The following NRXN3 variants were observed in gnomAD, a reference collection of about 807,000 sequenced individuals.
NRXN3 encodes neurexin 3, also known as neurexin III.
In NRXN3, 32 loss-of-function variants were observed where a neutral mutation model predicts 137.6. That is an observed-to-expected ratio of 0.23 (90% CI 0.18 to 0.31). The LOEUF (loss-of-function observed/expected upper bound fraction) is 0.31, where lower values mean the gene tolerates loss of function less well. Among genes scored for constraint, NRXN3 ranks in the 10% least tolerant of loss-of-function variants. The probability of loss-of-function intolerance (pLI) is 1.00; values close to 1 mark genes in which losing one functional copy is unlikely to be tolerated. For missense variants in NRXN3, 1,574 were observed against 2,062.5 expected, an observed-to-expected ratio of 0.76 and a Z score of 4.59; for synonymous variants, 798 against 784.5, an observed-to-expected ratio of 1.02 and a Z score of -0.29.
At chr14:79,140,573 C>CTG (rs3035591) in intron 15 of NRXN3, among the ~76,000 whole-genome samples, 5,405 of 143,818 alleles carry the variant, frequency 0.038, 179 homozygotes, top group African/African-American at 0.088. Flanking sequence ...CCCCACCTCA[C>CTG]TGTGTGTGTG....
At chr14:79,353,011 G>A (rs929939310) in intron 15 of NRXN3, among the ~76,000 whole-genome samples, 10 of 152,098 alleles carry the variant, frequency 6.6e-5, no homozygotes, top group African/African-American at 2.2e-4. Flanking sequence ...TAAAAGGATT[G>A]TTGTAAAGGT....
chr14:79,767,262 T>C (rs1423385741), intron 19 of NRXN3, among the ~76,000 whole-genome samples: 2 of 152,212 alleles, frequency 1.3e-5, no homozygotes, highest in Non-Finnish European at 2.9e-5. Flanking sequence ...CAGACCTTAC[T>C]TTAATTTCAC....
At chr14:79,857,976 T>A (rs1442099915) in intron 20 of NRXN3, among the ~76,000 whole-genome samples, 2 of 152,170 alleles carry the variant, frequency 1.3e-5, no homozygotes, top group South Asian at 2.1e-4. Flanking sequence ...AGATCAGTAG[T>A]TCTGAAAGAT....
At chr14:78,789,933 C>T (rs1469667706) in intron 8 of NRXN3, among the ~76,000 whole-genome samples, 2 of 152,108 alleles carry the variant, frequency 1.3e-5, no homozygotes, top group African/African-American at 2.4e-5. Flanking sequence ...GAGTCTACAA[C>T]ACCCACTTGC....
intron 15 of NRXN3, among the ~76,000 whole-genome samples, chr14:79,419,677 C>A (rs935946506): frequency 6.6e-6 from 1 of 152,002 alleles, no homozygotes; most frequent in African/African-American, 2.4e-5. Context: ...GAGGCATGTC[C>A]AGTATGGTGA....
At chr14:78,983,814 G>A (rs1377071757) in intron 14 of NRXN3, among the ~76,000 whole-genome samples, 1 of 145,226 alleles carries the variant, frequency 6.9e-6, no homozygotes, top group Non-Finnish European at 1.5e-5. Flanking sequence ...CCGAGATCAT[G>A]CCACTGCACT....
At chr14:79,585,670 C>T (rs929870611) in intron 16 of NRXN3, among the ~76,000 whole-genome samples, 4 of 122,964 alleles carry the variant, frequency 3.3e-5, no homozygotes, top group East Asian at 2.6e-4. Flanking sequence ...GGCGACAGAG[C>T]GAGACTCCAT....
chr14:79,673,997 T>C (rs894122855), intron 17 of NRXN3, among the ~76,000 whole-genome samples: 2 of 152,018 alleles, frequency 1.3e-5, no homozygotes, highest in African/African-American at 2.4e-5. Flanking sequence ...CGCTGCCCTA[T>C]CTTGAACCTA....
intron 15 of NRXN3, among the ~76,000 whole-genome samples, chr14:79,421,269 C>T (rs1221695804): frequency 2.0e-5 from 3 of 152,092 alleles, no homozygotes; most frequent in Non-Finnish European, 2.9e-5. Context: ...TTTTAATATA[C>T]TTCAGTGGGA....
intron 19 of NRXN3, among the ~76,000 whole-genome samples, chr14:79,764,371 A>G (rs2099049274): frequency 6.6e-6 from 1 of 152,244 alleles, no homozygotes; most frequent in Admixed American, 6.5e-5. Flanking sequence ...TGAAAAGAAA[A>G]TCAGCTATAT....
chr14:78,430,979 GC>G (rs2093855586), intron 4 of NRXN3, among the ~76,000 whole-genome samples: 1 of 152,132 alleles, frequency 6.6e-6, no homozygotes. Context: ...TCATTCCTCT[GC>G]CTTTCTGCCC....
chr14:79,456,690 C>T (rs907448258), intron 15 of NRXN3, among the ~76,000 whole-genome samples: 6 of 151,770 alleles, frequency 4.0e-5, no homozygotes, highest in African/African-American at 4.8e-5. Flanking sequence ...CACCCCACTA[C>T]ACTCCAGCCT....
intron 10 of NRXN3, among the ~76,000 whole-genome samples, chr14:78,864,281 T>C (rs1441627502): frequency 6.6e-6 from 1 of 152,146 alleles, no homozygotes; most frequent in East Asian, 1.9e-4. Flanking sequence ...TAGATTTTTA[T>C]CTTAGGTCCA....
intron 8 of NRXN3, among the ~76,000 whole-genome samples, chr14:78,773,230 C>A (rs2098734032): frequency 6.6e-6 from 1 of 152,192 alleles, no homozygotes; most frequent in Non-Finnish European, 1.5e-5. Context: ...GTCTCTATAC[C>A]AATGACAAAA....
At chr14:79,560,508 T>TCTTTTTC (rs781177560) in intron 16 of NRXN3, among the ~76,000 whole-genome samples, 6 of 96,490 alleles carry the variant, frequency 6.2e-5, no homozygotes, top group Non-Finnish European at 1.3e-4. Context: ...TGTAAGCTTT[T>TCTTTTTC]TTTTTTTTTT....
chr14:78,686,484 C>T (rs1019796146), intron 6 of NRXN3, among the ~76,000 whole-genome samples: 1 of 152,130 alleles, frequency 6.6e-6, no homozygotes, highest in Non-Finnish European at 1.5e-5. Context: ...GAAGACGCCT[C>T]CTGGAAAGCA....
intron 1 of NRXN3, among the ~76,000 whole-genome samples, chr14:78,222,621 C>T (rs951446813): frequency 6.6e-6 from 1 of 151,844 alleles, no homozygotes; most frequent in South Asian, 2.1e-4. Context: ...CCTTTTGGCA[C>T]TACAAATAAG....
intron 15 of NRXN3, among the ~76,000 whole-genome samples, chr14:79,009,600 G>T (rs2152387309): frequency 6.6e-6 from 1 of 152,264 alleles, no homozygotes; most frequent in East Asian, 1.9e-4. Context: ...ATCATAATCA[G>T]ACAGGGGTAT....
At chr14:79,144,232 C>T (rs954207910) in intron 15 of NRXN3, among the ~76,000 whole-genome samples, 4 of 152,102 alleles carry the variant, frequency 2.6e-5, no homozygotes, top group African/African-American at 9.7e-5. Flanking sequence ...CAACACAGTC[C>T]CCACCATGCC....
Sources: gnomAD v4.1 joint callset for allele counts (sites outside exome capture counted in the v4.1 genomes callset) on GRCh38, gnomAD v4.1.1 for gene constraint, MANE v1.5 for transcripts, NCBI Gene and HGNC (gene_info 2026-07-23, HGNC 2026-07-21) for gene names.